The following DNAH9 variants were observed in gnomAD, a reference collection of about 807,000 sequenced individuals.
DNAH9 encodes DNAH9 variant protein.
In DNAH9, 345 loss-of-function variants were observed where a neutral mutation model predicts 471.6. The observed-to-expected ratio is 0.73, with a 90% CI of 0.67 to 0.80. The LOEUF (loss-of-function observed/expected upper bound fraction) is 0.80, where lower values mean the gene tolerates loss of function less well. Among genes scored for constraint, DNAH9 ranks in the 30% least tolerant of loss-of-function variants. The pLI, the probability that DNAH9 is intolerant of heterozygous loss-of-function variation, is 0.00. For missense variants in DNAH9, 5,407 were observed against 5,609.2 expected (o/e 0.96, Z 1.15); for synonymous variants, 2,093 against 2,123.6 (o/e 0.99, Z 0.40).
At chr17:11,698,905 CTG>C (rs1299976443) in intron 22 of DNAH9, among the ~76,000 whole-genome samples, 1 of 152,044 alleles carries the variant, frequency 6.6e-6, no homozygotes, top group African/African-American at 2.4e-5. Flanking sequence ...CATGCCTGCA[CTG>C]CTTGGAACCC....
chr17:11,694,461 G>A lies in DNAH9; in HGVS notation c.4872+14G>A, dbSNP rs1454534083. The A allele has an allele frequency of 7.7e-5, 124 of 1,613,092 alleles. No homozygotes were observed. The highest frequency in any genetic ancestry group is 1.0e-4 in the Non-Finnish European group (119 of 1,179,780). ...GCTCCACAACAGGTAAGCTGGAGGA[G>A]CATCTGCAGAAAGGTCTAGGAGGGC... On this transcript the variant is annotated intron_variant, in intron 22 of 68. Coordinates refer to ENST00000262442, the MANE Select transcript of DNAH9 (RefSeq NM_001372.4).
chr17:11,965,079 G>A (rs527683666), intron 68 of DNAH9, among the ~76,000 whole-genome samples: 6 of 152,292 alleles, frequency 3.9e-5, no homozygotes, highest in South Asian at 4.1e-4. Flanking sequence ...AGGGCAAGTC[G>A]GAGAATGAGA....
At position 11,851,062 on chromosome 17, in the gene DNAH9, T is replaced by C. The variant is rs78313571; in HGVS notation, c.9508-2941T>C. Among the ~76,000 whole-genome samples, 991 of 151,878 alleles carry C rather than the reference T, an allele frequency of 6.5e-3. 13 individuals are homozygous for C. Among genetic ancestry groups the C allele is most frequent in the African/African-American group, 0.023 (941 of 41,438 alleles). On this transcript the variant is annotated intron_variant, in intron 49 of 68. Coordinates refer to ENST00000262442, the MANE Select transcript of DNAH9 (RefSeq NM_001372.4). ...AAGGGGAGGTTGGTGGGTAGAGTCT[T>C]ACAGGGTGGGGGTCGTTTAAATTGA...
chr17:11,853,624 C>T (rs1284303561), intron 49 of DNAH9, among the ~76,000 whole-genome samples: 1 of 152,214 alleles, frequency 6.6e-6, no homozygotes, highest in Non-Finnish European at 1.5e-5. Context: ...CAGTGCTATT[C>T]TCTTCAATCC....
intron 14 of DNAH9, among the ~76,000 whole-genome samples, chr17:11,663,320 G>A (rs11658919): frequency 1.4e-4 from 22 of 151,962 alleles, no homozygotes; most frequent in African/African-American, 5.1e-4. Context: ...AGCCAGCCCC[G>A]ACAGCAGCAC....
intron 17 of DNAH9, among the ~76,000 whole-genome samples, chr17:11,671,751 A>G (rs1303611803): frequency 6.6e-6 from 1 of 152,240 alleles, no homozygotes; most frequent in Non-Finnish European, 1.5e-5. Context: ...GAAAGGATCA[A>G]AAACACATGG....
Position 11,704,257 on chromosome 17 carries a change from G to T in DNAH9, c.5206G>T (p.Ala1736Ser). Residue 1736 changes from alanine to serine, a missense_variant, in exon 25 of 69, where the codon GCC becomes TCC. Around this residue, in one of 3 missense-constraint regions of DNAH9, gnomAD observed 4,636 missense variants for 4,900.3 expected, o/e 0.95. Coordinates refer to ENST00000262442, the MANE Select transcript of DNAH9 (RefSeq NM_001372.4). ...WWTTEVGMAF[A>S]RLEEGYESAM... ...GACAACAGAAGTGGGCATGGCATTT[G>T]CCAGGCTGGAGGAAGGCTATGAGAG... 6.2e-7 allele frequency: 1 copy of T among 1,614,174 alleles called. No homozygotes were observed. The highest frequency in any genetic ancestry group is 8.5e-7 in the Non-Finnish European group (1 of 1,180,020).
chr17:11,694,500 G>C, intron 22 of DNAH9, 53 bp downstream of exon 22: 1 of 1,604,914 alleles, frequency 6.2e-7, no homozygotes, highest in Non-Finnish European at 8.5e-7. Context: ...GGGGTGCCCA[G>C]CAGGAGGCAG....
At chr17:11,822,385 G>A (rs1442281062) in intron 46 of DNAH9, 53 bp from the exon 47 acceptor site, 33 of 1,602,758 alleles carry the variant, frequency 2.1e-5, no homozygotes, top group Middle Eastern at 1.8e-4. Context: ...CTGCCTCTCC[G>A]TGAGTATTTC....
chr17:11,728,514 T>C (rs1216378017), intron 28 of DNAH9, among the ~76,000 whole-genome samples: 1 of 132,982 alleles, frequency 7.5e-6, no homozygotes, highest in Non-Finnish European at 1.6e-5. Flanking sequence ...GAATGGAATG[T>C]GATCTCTGAC....
chr17:11,930,931 C>A (rs565058854), intron 63 of DNAH9, among the ~76,000 whole-genome samples: 165 of 152,110 alleles, frequency 1.1e-3, no homozygotes, highest in Non-Finnish European at 2.0e-3. Flanking sequence ...AAATGCAGAC[C>A]ACTACGTTTC....
chr17:11,634,031 C>T (rs1175122558), intron 8 of DNAH9, among the ~76,000 whole-genome samples: 7 of 152,146 alleles, frequency 4.6e-5, no homozygotes, highest in Non-Finnish European at 1.5e-5. Context: ...TCCAGAATTC[C>T]AATCCTTGAA....
intron 38 of DNAH9, among the ~76,000 whole-genome samples, chr17:11,773,984 A>C (rs1284677504): frequency 6.6e-6 from 1 of 152,010 alleles, no homozygotes; most frequent in Non-Finnish European, 1.5e-5. Flanking sequence ...ACAAAAAAAA[A>C]AATTAGCCAG....
At position 11,865,418 on chromosome 17, in the gene DNAH9, G is replaced by C. The variant is rs530561367; in HGVS notation, c.9934-3716G>C. On this transcript the variant is annotated intron_variant, in intron 50 of 68. Transcript: ENST00000262442. ...TTAGTCTGATGGGCTTCCCTTTGTG[G>C]GTAACCCGACCTTTCTCTCTGGCTG... 1.3e-3 allele frequency among the ~76,000 whole-genome samples: 199 copies of C among 152,068 alleles called. 3 individuals carry two copies. The East Asian group carries it at 0.034, about 26-fold the overall frequency.
At chr17:11,602,752 C>T (rs1256778227) in intron 1 of DNAH9, among the ~76,000 whole-genome samples, 2 of 152,156 alleles carry the variant, frequency 1.3e-5, no homozygotes, top group Non-Finnish European at 1.5e-5. Flanking sequence ...GTCCTCCTCC[C>T]GATCATAAGC....
At chr17:11,915,479 G>A (rs1022208022) in intron 61 of DNAH9, among the ~76,000 whole-genome samples, 11 of 151,862 alleles carry the variant, frequency 7.2e-5, no homozygotes, top group African/African-American at 2.7e-4. Context: ...AGCCAAGATC[G>A]CACCACTGCA....
At chr17:11,627,241 ATAGT>A (rs1328864289) in intron 6 of DNAH9, among the ~76,000 whole-genome samples, 1 of 152,228 alleles carries the variant, frequency 6.6e-6, no homozygotes, top group East Asian at 1.9e-4. Flanking sequence ...CAAAAGTAGA[ATAGT>A]TAAATAAATA....
In DNAH9 at chr17:11,803,397, T is replaced by C. The variant is rs74878597; in HGVS notation, c.8421-4335T>C. Among the ~76,000 whole-genome samples, 512 of 151,300 alleles carry C rather than the reference T, an allele frequency of 3.4e-3. 5 individuals carry two copies. The highest frequency in any genetic ancestry group is 0.012 in the African/African-American group (484 of 40,644). ...CTCTAGGGGTGTGTGTGTGTGTGTG[T>C]GTGCGCTCGCACACACGCACATGCG... is the stretch of plus-strand genomic sequence containing the variant. On this transcript the variant is annotated intron_variant, in intron 43 of 68. Transcript: ENST00000262442.
At chr17:11,617,650 T>A (rs1377066990) in intron 5 of DNAH9, 28 bp downstream of exon 5, 1 of 1,555,804 alleles carries the variant, frequency 6.4e-7, no homozygotes, top group South Asian at 1.1e-5. Flanking sequence ...GCCCAGCAAC[T>A]GCTCCCTGGG....
Sources: gnomAD v4.1 joint callset for allele counts (sites outside exome capture counted in the v4.1 genomes callset) on GRCh38, gnomAD v4.1.1 for gene constraint, gnomAD v4.1.1 regional missense constraint, MANE v1.5 for transcripts, NCBI Gene and HGNC (gene_info 2026-07-23, HGNC 2026-07-21) for gene names.